MTIF3: variants seen among roughly 807,000 people sequenced by gnomAD.
MTIF3 encodes translation initiation factor IF-3, mitochondrial.
In MTIF3, 13 loss-of-function variants were observed where a neutral mutation model predicts 20.7. The ratio of observed to expected loss-of-function variants is 0.63; its 90% confidence interval spans 0.41 to 1.00. The LOEUF (loss-of-function observed/expected upper bound fraction) is 1.00, where lower values mean the gene tolerates loss of function less well. Among genes scored for constraint, MTIF3 ranks in the 50% least tolerant of loss-of-function variants. MTIF3 has a pLI of 0.00. For missense variants in MTIF3, 295 were observed against 324.5 expected, an observed-to-expected ratio of 0.91 and a Z score of 0.70; for synonymous variants, 114 against 112.5, an observed-to-expected ratio of 1.01 and a Z score of -0.08.
At chr13:27,445,000 A>G (rs1056254346) in intron 2 of MTIF3, 88 bp downstream of exon 2, 1 of 152,148 alleles carries the variant, frequency 6.6e-6, no homozygotes, top group Non-Finnish European at 1.5e-5. Flanking sequence ...TGAAAATGAT[A>G]ATTTGCCACA....
chr13:27,439,672 C>T (rs1056936696), intron 3 of MTIF3, among the ~76,000 whole-genome samples: 71 of 152,128 alleles, frequency 4.7e-4, no homozygotes, highest in African/African-American at 1.7e-3. Context: ...CAGCTTGCTG[C>T]GGCATTGGGA....
At chr13:27,439,327 C>G (rs1400568924) in intron 3 of MTIF3, among the ~76,000 whole-genome samples, 1 of 152,148 alleles carries the variant, frequency 6.6e-6, no homozygotes, top group Non-Finnish European at 1.5e-5. Context: ...GAAACCCCCT[C>G]TCTATTAAAA....
intron 1 of MTIF3, among the ~76,000 whole-genome samples, chr13:27,449,030 G>A (rs1954268440): frequency 1.3e-5 from 2 of 152,118 alleles, no homozygotes; most frequent in South Asian, 2.1e-4. Flanking sequence ...TCCAGCCTAG[G>A]CAACAGGGTG....
chr13:27,449,259 ACT>A (rs969781760), intron 1 of MTIF3, among the ~76,000 whole-genome samples: 1 of 152,114 alleles, frequency 6.6e-6, no homozygotes, highest in South Asian at 2.1e-4. Flanking sequence ...CTCCGTATCC[ACT>A]GTCACCACCG....
intron 1 of MTIF3, among the ~76,000 whole-genome samples, chr13:27,449,419 A>G (rs892611526): frequency 6.6e-6 from 1 of 152,186 alleles, no homozygotes; most frequent in African/African-American, 2.4e-5. Flanking sequence ...TTAAAGATCT[A>G]CACCTTCGCC....
chr13:27,445,717 T>C (rs2138170409), intron 1 of MTIF3, among the ~76,000 whole-genome samples: 1 of 152,264 alleles, frequency 6.6e-6, no homozygotes, highest in South Asian at 2.1e-4. Flanking sequence ...CTACCCAAAG[T>C]GCATGGCACC....
At chr13:27,439,364 C>T (rs7992832) in intron 3 of MTIF3, among the ~76,000 whole-genome samples, 34,496 of 152,038 alleles carry the variant, frequency 0.23, 4,132 homozygotes, top group Non-Finnish European at 0.26. Flanking sequence ...GGCGTGGTGG[C>T]GGGCGCCTGT....
At chr13:27,449,869 CAGTA>C (rs1465507625) in intron 1 of MTIF3, 2 of 152,348 alleles carry the variant, frequency 1.3e-5, no homozygotes, top group African/African-American at 4.8e-5. Flanking sequence ...TGAGACTTCT[CAGTA>C]AGAGAACTTC....
At chr13:27,445,556 A>C (rs562529999) in intron 1 of MTIF3, among the ~76,000 whole-genome samples, 1 of 152,336 alleles carries the variant, frequency 6.6e-6, no homozygotes, top group South Asian at 2.1e-4. Flanking sequence ...AGCTGATGCC[A>C]AAGGGTCACA....
chr13:27,438,483 GT>G (rs61052475), intron 3 of MTIF3, among the ~76,000 whole-genome samples: 12,542 of 107,158 alleles, frequency 0.12, 985 homozygotes, highest in Non-Finnish European at 0.15. Flanking sequence ...GAGCAAGACT[GT>G]TTTTTTTTTT....
chr13:27,437,315 C>A, intron 3 of MTIF3, 42 bp from the exon 4 acceptor site: 1 of 1,560,260 alleles, frequency 6.4e-7, no homozygotes, highest in South Asian at 1.2e-5. Flanking sequence ...CTGACTAGTC[C>A]ACTGTGAACC....
Position 27,440,018 on chromosome 13 carries a change from C to T in MTIF3, c.431G>A (p.Arg144Lys), listed in dbSNP as rs746655636. ...LQILQERQRL[R>K]EMEKANPKTG... ...TTTGGGGTTCGCCTTCTCCATCTCC[C>T]TCAGCCTCTGCCGCTCCTGGAGGAT... is the stretch of plus-strand genomic sequence containing the variant. Residue 144 changes from arginine (R) to lysine (K), a missense_variant, in exon 3 of 5, where the codon AGG becomes AAG. Arg to Lys is a conservative substitution (Grantham distance 26). Coordinates refer to ENST00000381120, the MANE Select transcript of MTIF3 (RefSeq NM_152912.5). The T allele has an allele frequency of 6.2e-7, 1 of 1,614,160 alleles. No individual in the cohort carries two copies. The highest frequency in any genetic ancestry group is 8.5e-7 in the Non-Finnish European group (1 of 1,180,002).
At chr13:27,449,506 C>G (rs1184301066) in intron 1 of MTIF3, among the ~76,000 whole-genome samples, 1 of 152,238 alleles carries the variant, frequency 6.6e-6, no homozygotes, top group African/African-American at 2.4e-5. Context: ...TTTTGAAATA[C>G]AGTACTCTCG....
chr13:27,436,030 C>T lies in MTIF3; in HGVS notation c.619-137G>A, dbSNP rs1953727634. 1.2e-5 allele frequency: 8 copies of T among 647,816 alleles called. No individual in the cohort carries two copies. The East Asian group carries it at 1.6e-4, about 13-fold the overall frequency. 40.1% of individuals were successfully genotyped at this position (647,816 alleles called of 1,614,324 possible). On this transcript the variant is annotated intron_variant, in intron 4 of 4. Transcript: ENST00000381120. ...TAAGTGATTAGCTAATCAGTTCATACGTATCTGGTTAAGTTGACTGAAATC... is the reference window on the plus strand; with the variant it reads ...TAAGTGATTAGCTAATCAGTTCATATGTATCTGGTTAAGTTGACTGAAATC...
chr13:27,437,637 A>G (rs1593186937), intron 3 of MTIF3, among the ~76,000 whole-genome samples: 1 of 152,290 alleles, frequency 6.6e-6, no homozygotes, highest in Middle Eastern at 3.4e-3. Context: ...ACTCCTTTTG[A>G]GATGCTCTCC....
At chr13:27,448,452 T>C (rs887442009) in intron 1 of MTIF3, among the ~76,000 whole-genome samples, 2 of 152,226 alleles carry the variant, frequency 1.3e-5, no homozygotes, top group Non-Finnish European at 2.9e-5. Context: ...AGTTGCCCCA[T>C]TCTGGCCTGA....
At chr13:27,436,405 C>CT (rs1399710777) in intron 4 of MTIF3, among the ~76,000 whole-genome samples, 2 of 146,398 alleles carry the variant, frequency 1.4e-5, no homozygotes, top group Non-Finnish European at 1.5e-5. Flanking sequence ...AGTTATCTAA[C>CT]TTTTAAAAAA....
intron 3 of MTIF3, among the ~76,000 whole-genome samples, chr13:27,438,981 T>C (rs73163545): frequency 0.067 from 10,163 of 152,256 alleles, 1,061 homozygotes; most frequent in East Asian, 0.46. Flanking sequence ...ATCTGATGCC[T>C]GTCCCCGTGC....
chr13:27,439,649 C>T (rs1317253753), intron 3 of MTIF3, among the ~76,000 whole-genome samples: 1 of 152,138 alleles, frequency 6.6e-6, no homozygotes, highest in African/African-American at 2.4e-5. Flanking sequence ...TCTGTTTCAC[C>T]CCATCGGCTA....
Sources: gnomAD v4.1 joint callset for allele counts (sites outside exome capture counted in the v4.1 genomes callset) on GRCh38, gnomAD v4.1.1 for gene constraint, MANE v1.5 for transcripts, NCBI Gene and HGNC (gene_info 2026-07-23, HGNC 2026-07-21) for gene names.